The following CMTM8 variants were observed in gnomAD, a reference collection of about 807,000 sequenced individuals.
The protein encoded by CMTM8 is CKLF like MARVEL transmembrane domain containing 8.
A neutral mutation model predicts 18.6 loss-of-function variants in CMTM8; 12 were observed. That is an observed-to-expected ratio of 0.65 (90% confidence interval 0.41 to 1.05). CMTM8 has a LOEUF of 1.05. Among genes scored for constraint, CMTM8 ranks in the 50% least tolerant of loss-of-function variants. The pLI is 0.00. For missense variants in CMTM8, 217 were observed against 227.2 expected (o/e 0.95, Z 0.29); for synonymous variants, 87 against 90.6 (o/e 0.96, Z 0.23).
At chr3:32,288,741 A>C (rs191434953) in intron 1 of CMTM8, among the ~76,000 whole-genome samples, 65 of 152,260 alleles carry the variant, frequency 4.3e-4, no homozygotes, top group East Asian at 1.5e-3. Context: ...ACCTCGTGAT[A>C]TGCCCGCCTT....
chr3:32,283,259 T>C (rs1174789079), intron 1 of CMTM8, among the ~76,000 whole-genome samples: 1 of 152,246 alleles, frequency 6.6e-6, no homozygotes, highest in Non-Finnish European at 1.5e-5. Flanking sequence ...CTGCTATTAC[T>C]GTTGTTACTG....
At position 32,305,232 on chromosome 3, in the gene CMTM8, CT is replaced by C. The variant is rs397693052; in HGVS notation, c.148-52125del. On this transcript the variant is annotated intron_variant, in intron 1 of 3. Transcript: ENST00000307526. ...GGGAACATTTGGTAATGACTGGAGG[CT>C]TTTTTTTTTTTTTTTCAGACGGAGT... 6.9e-3 allele frequency among the ~76,000 whole-genome samples: 882 copies of C among 127,512 alleles called. 5 individuals carry two copies. The highest frequency in any genetic ancestry group is 9.3e-3 in the African/African-American group (316 of 34,040). The allele number at this position is 127,512 out of a possible 152,430, so 83.7% of individuals were successfully genotyped here.
rs796201249 is a variant in CMTM8 at position 32,328,370 on chromosome 3, CAAAAAAA to C, written c.148-28984_148-28978del. ...GGGTGATGGAGTGAGACCCTGTCTC[CAAAAAAA>C]AAAAAAAAAAAAAAAAAAGTAATCC... On this transcript the variant is annotated intron_variant, in intron 1 of 3. Transcript: ENST00000307526. Among the ~76,000 whole-genome samples, 51 of 74,778 alleles carry C rather than the reference CAAAAAAA, an allele frequency of 6.8e-4. 1 individual carries two copies. Among genetic ancestry groups the C allele is most frequent in the East Asian group, 1.2e-3 (4 of 3,364 alleles). 49.1% of individuals were successfully genotyped at this position (74,778 alleles called of 152,430 possible). A position where few individuals can be genotyped will look rare whatever the true frequency, so the allele number is the denominator to read the frequency against.
intron 1 of CMTM8, among the ~76,000 whole-genome samples, chr3:32,344,861 C>T (rs1380030351): frequency 1.3e-5 from 2 of 152,128 alleles, no homozygotes; most frequent in African/African-American, 4.8e-5. Flanking sequence ...CACCTCTGGA[C>T]TCCAGCCTGA....
chr3:32,264,592 C>T (rs139925105), intron 1 of CMTM8, among the ~76,000 whole-genome samples: 8,072 of 152,228 alleles, frequency 0.053, 664 homozygotes, highest in East Asian at 0.43. Context: ...ATCAAATTCA[C>T]ACATAACAAT....
At chr3:32,290,352 A>G (rs1227957048) in intron 1 of CMTM8, among the ~76,000 whole-genome samples, 1 of 152,252 alleles carries the variant, frequency 6.6e-6, no homozygotes, top group Non-Finnish European at 1.5e-5. Flanking sequence ...AAAGATCTAA[A>G]TAAATGGGAA....
At chr3:32,339,778 A>T (rs1289122302) in intron 1 of CMTM8, among the ~76,000 whole-genome samples, 1 of 152,132 alleles carries the variant, frequency 6.6e-6, no homozygotes, top group Non-Finnish European at 1.5e-5. Flanking sequence ...CCTGGCTAAC[A>T]CAGAGAAACC....
intron 2 of CMTM8, among the ~76,000 whole-genome samples, chr3:32,361,294 T>TTTGTTTTTTTTTTTG (rs1357488613): frequency 6.8e-6 from 1 of 146,542 alleles, no homozygotes; most frequent in African/African-American, 2.5e-5. Context: ...GAGTTTTTTT[T>TTTGTTTTTTTTTTTG]TCTTTCAAAT....
rs1553605520 is a variant in CMTM8, at chr3:32,319,057, C to CATATATATAT, written c.148-38307_148-38298dup. Among the ~76,000 whole-genome samples the CATATATATAT allele has an allele frequency of 3.2e-3, 146 of 45,792 alleles. 7 individuals are homozygous for CATATATATAT. Among genetic ancestry groups the CATATATATAT allele is most frequent in the Middle Eastern group, 0.015 (1 of 66 alleles). The allele number at this position is 45,792 out of a possible 152,430, so 30.0% of individuals were successfully genotyped here. On this transcript the variant is annotated intron_variant, in intron 1 of 3. Coordinates refer to ENST00000307526, the MANE Select transcript of CMTM8 (RefSeq NM_178868.5). Reference sequence around the variant, plus strand: ...AAATTTATATATATGTGTGTATATACATATATATATATATATATTTTTTTT... The same window carrying CATATATATAT: ...AAATTTATATATATGTGTGTATATACATATATATATATATATATATATATATATTTTTTTT...
chr3:32,359,726 A>T (rs1696885986), intron 2 of CMTM8, among the ~76,000 whole-genome samples: 1 of 152,224 alleles, frequency 6.6e-6, no homozygotes, highest in South Asian at 2.1e-4. Flanking sequence ...TACATTAAAA[A>T]TTTTAAAATA....
intron 1 of CMTM8, chr3:32,258,977 G>T: frequency 3.1e-6 from 1 of 327,220 alleles, no homozygotes; most frequent in Non-Finnish European, 5.9e-6. Context: ...TCCTCCAACT[G>T]CCAGTCCGTG....
chr3:32,241,677 G>T (rs968144178), intron 1 of CMTM8, among the ~76,000 whole-genome samples: 2 of 152,172 alleles, frequency 1.3e-5, no homozygotes, highest in Non-Finnish European at 2.9e-5. Flanking sequence ...CTTAGGATGG[G>T]TTTATCAGGA....
chr3:32,258,930 C>A, intron 1 of CMTM8: 1 of 314,256 alleles, frequency 3.2e-6, no homozygotes, highest in East Asian at 8.4e-5. Context: ...CCCCACTGCC[C>A]CCGGACAGCG....
intron 1 of CMTM8, among the ~76,000 whole-genome samples, chr3:32,275,748 C>G (rs1376003609): frequency 1.4e-5 from 2 of 147,698 alleles, no homozygotes; most frequent in African/African-American, 5.0e-5. Context: ...CTCCAGGGCT[C>G]AAGCAATTCT....
intron 1 of CMTM8, among the ~76,000 whole-genome samples, chr3:32,319,214 G>T (rs148204445): frequency 1.3e-5 from 2 of 149,812 alleles, no homozygotes; most frequent in Non-Finnish European, 1.5e-5. Context: ...GAGTAGCTGG[G>T]CTTACAGGCA....
intron 1 of CMTM8, among the ~76,000 whole-genome samples, chr3:32,333,418 T>A (rs998984371): frequency 6.6e-6 from 1 of 152,134 alleles, no homozygotes; most frequent in Non-Finnish European, 1.5e-5. Context: ...GAAATGCAGA[T>A]CTTAGGCCTC....
chr3:32,332,617 C>T (rs1182725176), intron 1 of CMTM8, among the ~76,000 whole-genome samples: 1 of 152,140 alleles, frequency 6.6e-6, no homozygotes, highest in African/African-American at 2.4e-5. Context: ...CCTTCTAATG[C>T]TGTCCTTAGC....
chr3:32,255,580 T>C (rs1042763928), intron 1 of CMTM8, among the ~76,000 whole-genome samples: 3 of 152,210 alleles, frequency 2.0e-5, no homozygotes, highest in African/African-American at 7.2e-5. Context: ...TTTGAGTAAT[T>C]ATTTTAGAAA....
intron 1 of CMTM8, among the ~76,000 whole-genome samples, chr3:32,351,807 A>G (rs182577000): frequency 6.6e-6 from 1 of 152,186 alleles, no homozygotes; most frequent in Non-Finnish European, 1.5e-5. Flanking sequence ...TTTGCCACAT[A>G]TATAGTTGGT....
Sources: allele counts gnomAD v4.1 joint callset (sites outside exome capture counted in the v4.1 genomes callset), GRCh38; gene constraint gnomAD v4.1.1; transcripts MANE v1.5; gene names NCBI Gene and HGNC (gene_info 2026-07-23, HGNC 2026-07-21).